The following SGCZ variants were observed in gnomAD, a reference collection of about 807,000 sequenced individuals.
The protein encoded by SGCZ is sarcoglycan zeta.
SGCZ carries 40 observed loss-of-function variants against 41.3 expected under a neutral mutation model. The ratio of observed to expected loss-of-function variants is 0.97; its 90% CI spans 0.75 to 1.26. The LOEUF (loss-of-function observed/expected upper bound fraction) is 1.26, where lower values mean the gene tolerates loss of function less well. Ranked by LOEUF, SGCZ falls within the 50% of genes most tolerant of loss-of-function variation. SGCZ has a pLI of 0.00. For missense variants in SGCZ, 552 were observed against 369.8 expected (o/e 1.49, Z -4.04); for synonymous variants, 206 against 137.5 (o/e 1.50, Z -3.49).
intron 1 of SGCZ, among the ~76,000 whole-genome samples, chr8:15,215,157 C>A (rs1202065022): frequency 6.6e-6 from 1 of 152,112 alleles, no homozygotes; most frequent in Non-Finnish European, 1.5e-5. Flanking sequence ...TCTTAGTTAA[C>A]TGAAGTAAAC....
chr8:14,383,009 C>T (rs542862689), intron 2 of SGCZ, among the ~76,000 whole-genome samples: 1 of 152,114 alleles, frequency 6.6e-6, no homozygotes, highest in Non-Finnish European at 1.5e-5. Flanking sequence ...AGCATGCCAC[C>T]ACTTCACACG....
At chr8:15,049,760 G>C (rs2130991259) in intron 1 of SGCZ, among the ~76,000 whole-genome samples, 1 of 152,232 alleles carries the variant, frequency 6.6e-6, no homozygotes, top group Non-Finnish European at 1.5e-5. Context: ...GCAAGGTTAT[G>C]ATAACTAAAT....
chr8:15,157,937 C>T (rs555385723), intron 1 of SGCZ, among the ~76,000 whole-genome samples: 1 of 152,328 alleles, frequency 6.6e-6, no homozygotes, highest in Non-Finnish European at 1.5e-5. Flanking sequence ...CGGCCTTCCG[C>T]AGGTCCATTC....
intron 1 of SGCZ, among the ~76,000 whole-genome samples, chr8:14,610,747 C>T (rs13254180): frequency 0.34 from 51,780 of 151,960 alleles, 9,080 homozygotes; most frequent in East Asian, 0.62. Flanking sequence ...CACACAGACA[C>T]TGCCTCAAGG....
chr8:14,203,726 G>T (rs966657945), intron 4 of SGCZ, among the ~76,000 whole-genome samples: 5 of 152,152 alleles, frequency 3.3e-5, no homozygotes, highest in Admixed American at 6.6e-5. Context: ...ACTAATGAGG[G>T]CTATGGAGAA....
In SGCZ at chr8:15,108,823, T is replaced by C. The variant is rs551339882; in HGVS notation, c.39+128762A>G. ...GGTGTGTGCTCGCTAAATAAATACT[T>C]AATGGAATATATTTATTACTTTGCT... On this transcript the variant is annotated intron_variant, in intron 1 of 7. Transcript: ENST00000382080. Among the ~76,000 whole-genome samples, 5 of 152,288 alleles carry C rather than the reference T, an allele frequency of 3.3e-5. No homozygotes were observed. In the South Asian group the frequency reaches 6.2e-4, roughly 19 times the overall value.
intron 1 of SGCZ, among the ~76,000 whole-genome samples, chr8:15,069,517 A>C (rs536663840): frequency 2.8e-4 from 42 of 152,276 alleles, no homozygotes; most frequent in African/African-American, 9.9e-4. Flanking sequence ...TTTCACGTTA[A>C]CACCACCCAG....
At chr8:14,091,031 C>T (rs577619495) in intron 7 of SGCZ, among the ~76,000 whole-genome samples, 1 of 152,098 alleles carries the variant, frequency 6.6e-6, no homozygotes, top group Admixed American at 6.6e-5. Context: ...GTTCCCTGCC[C>T]TGTGTCCATG....
intron 1 of SGCZ, among the ~76,000 whole-genome samples, chr8:14,768,924 GA>G (rs1800134150): frequency 6.6e-6 from 1 of 151,920 alleles, no homozygotes; most frequent in Admixed American, 6.6e-5. Context: ...TCCAGAAATG[GA>G]ACTGGCAGCA....
At chr8:14,281,956 C>A (rs1294553842) in intron 3 of SGCZ, among the ~76,000 whole-genome samples, 2 of 151,932 alleles carry the variant, frequency 1.3e-5, no homozygotes, top group Admixed American at 6.6e-5. Flanking sequence ...TTTAAACGAA[C>A]AACATCAATC....
chr8:14,385,021 A>T (rs559729577), intron 2 of SGCZ, among the ~76,000 whole-genome samples: 1 of 152,174 alleles, frequency 6.6e-6, no homozygotes, highest in African/African-American at 2.4e-5. Flanking sequence ...GAACTAATAT[A>T]TCCCATAGTT....
At chr8:15,095,924 C>G (rs1806329760) in intron 1 of SGCZ, among the ~76,000 whole-genome samples, 1 of 152,098 alleles carries the variant, frequency 6.6e-6, no homozygotes, top group Non-Finnish European at 1.5e-5. Context: ...TTTCAAGAAG[C>G]AGTTTACTTT....
intron 1 of SGCZ, among the ~76,000 whole-genome samples, chr8:14,614,701 A>C (rs2117350206): frequency 6.6e-6 from 1 of 152,264 alleles, no homozygotes; most frequent in Non-Finnish European, 1.5e-5. Flanking sequence ...CTACAGAGGG[A>C]AAATGTGTAG....
At chr8:14,797,014 A>G (rs1036837885) in intron 1 of SGCZ, among the ~76,000 whole-genome samples, 5 of 152,142 alleles carry the variant, frequency 3.3e-5, no homozygotes, top group Admixed American at 2.6e-4. Flanking sequence ...AACCTCTTTT[A>G]TTTATAAATT....
At chr8:14,265,962 G>C (rs941950170) in intron 3 of SGCZ, among the ~76,000 whole-genome samples, 4 of 151,940 alleles carry the variant, frequency 2.6e-5, no homozygotes, top group Admixed American at 2.6e-4. Context: ...AACAAAGAAA[G>C]TCTAGAGGAA....
intron 2 of SGCZ, among the ~76,000 whole-genome samples, chr8:14,420,094 T>G (rs986964467): frequency 2.0e-5 from 3 of 152,090 alleles, no homozygotes; most frequent in African/African-American, 7.2e-5. Context: ...GCATTCTATT[T>G]TTATGTTATA....
intron 1 of SGCZ, among the ~76,000 whole-genome samples, chr8:14,967,096 T>C (rs1801148369): frequency 6.6e-6 from 1 of 152,174 alleles, no homozygotes; most frequent in Non-Finnish European, 1.5e-5. Context: ...CACAGACTTG[T>C]AGGCAGTAGA....
At chr8:14,447,748 A>G (rs534715692) in intron 2 of SGCZ, among the ~76,000 whole-genome samples, 1 of 152,322 alleles carries the variant, frequency 6.6e-6, no homozygotes, top group Admixed American at 6.5e-5. Flanking sequence ...AGTGGAATGA[A>G]AGACTCCATC....
At chr8:14,668,019 C>G (rs1172299800) in intron 1 of SGCZ, among the ~76,000 whole-genome samples, 25 of 152,134 alleles carry the variant, frequency 1.6e-4, no homozygotes. Context: ...TGCAGTGGCA[C>G]AATCCCGGCT....
Sources: gnomAD v4.1 joint callset for allele counts (sites outside exome capture counted in the v4.1 genomes callset) on GRCh38, gnomAD v4.1.1 for gene constraint, MANE v1.5 for transcripts, NCBI Gene and HGNC (gene_info 2026-07-23, HGNC 2026-07-21) for gene names.